TEAD1: variants seen among roughly 807,000 people sequenced by gnomAD.
TEAD1 encodes transcriptional enhancer factor TEF-1.
Under a neutral mutation model 54.9 loss-of-function variants are expected in TEAD1, and 9 were observed. The ratio of observed to expected loss-of-function variants is 0.16; its 90% CI spans 0.10 to 0.29. The LOEUF (loss-of-function observed/expected upper bound fraction) is 0.29. Among genes scored for constraint, TEAD1 ranks in the 10% least tolerant of loss-of-function variants. The pLI is 1.00. For missense variants in TEAD1, 387 were observed against 535.9 expected, an observed-to-expected ratio of 0.72 and a Z score of 2.74; for synonymous variants, 200 against 187.8, an observed-to-expected ratio of 1.07 and a Z score of -0.53.
At chr11:12,699,903 T>G (rs1479991476) in intron 2 of TEAD1, among the ~76,000 whole-genome samples, 1 of 152,196 alleles carries the variant, frequency 6.6e-6, no homozygotes, top group Non-Finnish European at 1.5e-5. Flanking sequence ...TCTCTGCCAT[T>G]GAATTGAGGA....
At chr11:12,817,939 G>A (rs1423174721) in intron 3 of TEAD1, among the ~76,000 whole-genome samples, 1 of 152,188 alleles carries the variant, frequency 6.6e-6, no homozygotes, top group Non-Finnish European at 1.5e-5. Context: ...CACACATTGT[G>A]GTTATTAGCT....
intron 2 of TEAD1, among the ~76,000 whole-genome samples, chr11:12,761,804 C>T (rs1161710069): frequency 4.6e-5 from 7 of 151,572 alleles, no homozygotes; most frequent in Non-Finnish European, 7.4e-5. Context: ...GATGGGTTTT[C>T]GCCTGATAAA....
rs529431978 is a variant in TEAD1 at position 12,941,768 on chromosome 11, G to C, written c.*4546G>C. 5.2e-5 allele frequency: 8 copies of C among 152,712 alleles called. No individual in the cohort carries two copies. Among genetic ancestry groups the C allele is most frequent in the Admixed American group, 2.6e-4 (4 of 15,296 alleles). 9.5% of individuals were successfully genotyped at this position (152,712 alleles called of 1,614,324 possible). The stretch of plus-strand genomic sequence containing the variant: ...GCATGTAGGGTATGCAGTGCAAAAG[G>C]CTGCCTCAGAACTGTGAGCCCTTTT... On this transcript the variant is annotated 3_prime_UTR_variant, in exon 13 of 13. Transcript: ENST00000527636.
chr11:12,812,458 G>T (rs907898292), intron 3 of TEAD1, among the ~76,000 whole-genome samples: 1 of 152,174 alleles, frequency 6.6e-6, no homozygotes, highest in African/African-American at 2.4e-5. Context: ...TCCTTATCCT[G>T]CAAGAGCTCA....
chr11:12,715,269 C>G (rs1243273160), intron 2 of TEAD1, among the ~76,000 whole-genome samples: 1 of 152,078 alleles, frequency 6.6e-6, no homozygotes, highest in Non-Finnish European at 1.5e-5. Flanking sequence ...GAGACAAAAC[C>G]CAGGGATGGA....
intron 2 of TEAD1, among the ~76,000 whole-genome samples, chr11:12,739,329 A>T (rs745886262): frequency 2.6e-5 from 4 of 152,220 alleles, no homozygotes; most frequent in Non-Finnish European, 5.9e-5. Context: ...TTTTAAGTGT[A>T]CAGTTTAGTG....
intron 10 of TEAD1, among the ~76,000 whole-genome samples, chr11:12,902,839 T>C (rs1287426948): frequency 6.6e-6 from 1 of 152,066 alleles, no homozygotes; most frequent in Non-Finnish European, 1.5e-5. Context: ...TGCCTTCTGT[T>C]TGTCTAGATG....
At chr11:12,927,846 A>G (rs116617110) in intron 11 of TEAD1, among the ~76,000 whole-genome samples, 3,648 of 152,186 alleles carry the variant, frequency 0.024, 149 homozygotes, top group African/African-American at 0.083. Context: ...TGTCTTCAAT[A>G]TGGCCATCTT....
intron 3 of TEAD1, among the ~76,000 whole-genome samples, chr11:12,801,839 TTGATTGG>T (rs1338494355): frequency 6.6e-6 from 1 of 152,242 alleles, no homozygotes; most frequent in African/African-American, 2.4e-5. Context: ...ACAGGCTGTA[TTGATTGG>T]TGATTCTTAA....
intron 3 of TEAD1, among the ~76,000 whole-genome samples, chr11:12,844,852 G>A (rs780431497): frequency 4.6e-5 from 7 of 152,060 alleles, no homozygotes; most frequent in Non-Finnish European, 8.8e-5. Flanking sequence ...GTGAGCAAAG[G>A]GGGTAAGGAC....
At chr11:12,908,301 C>T (rs1435634039) in intron 10 of TEAD1, among the ~76,000 whole-genome samples, 4 of 152,126 alleles carry the variant, frequency 2.6e-5, no homozygotes, top group African/African-American at 7.2e-5. Flanking sequence ...ACCTCTGAAG[C>T]TTAGAGCCAG....
At chr11:12,930,555 C>T (rs528756134) in intron 12 of TEAD1, among the ~76,000 whole-genome samples, 8 of 152,236 alleles carry the variant, frequency 5.3e-5, no homozygotes, top group East Asian at 1.9e-4. Flanking sequence ...TTCTAAGGTT[C>T]GCAGAACTGG....
intron 2 of TEAD1, among the ~76,000 whole-genome samples, chr11:12,713,027 A>G (rs764547350): frequency 1.6e-4 from 25 of 151,950 alleles, no homozygotes; most frequent in Middle Eastern, 6.8e-3. Context: ...TTGTTTGTTT[A>G]TTTATTTATT....
chr11:12,771,224 C>T (rs1372752852), intron 3 of TEAD1, among the ~76,000 whole-genome samples: 1 of 152,170 alleles, frequency 6.6e-6, no homozygotes, highest in African/African-American at 2.4e-5. Flanking sequence ...AGCATTGTGT[C>T]GTTGCGGGTC....
At chr11:12,908,049 A>G (rs1948550424) in intron 10 of TEAD1, among the ~76,000 whole-genome samples, 1 of 152,160 alleles carries the variant, frequency 6.6e-6, no homozygotes. Context: ...TCTGTATATT[A>G]TTATGTTCTG....
Position 12,901,989 on chromosome 11 carries a change from G to C in TEAD1, c.749G>C (p.Ser250Thr), listed in dbSNP as rs536251009. Residue 250 changes from serine (S) to threonine (T), a missense_variant, in exon 10 of 13, where the codon AGT becomes ACT. Ser to Thr is a moderately conservative substitution (Grantham distance 58). Transcript: ENST00000527636. ...ATTGGGCATGCCAACCATTCTTACAGTGACCCATTGCTTGAATCAGTGGAC... is the reference window on the plus strand; with the variant it reads ...ATTGGGCATGCCAACCATTCTTACACTGACCCATTGCTTGAATCAGTGGAC... 90 of 1,614,228 alleles carry C rather than the reference G, an allele frequency of 5.6e-5. 2 individuals carry two copies. The South Asian group carries it at 9.7e-4, about 17-fold the overall frequency.
chr11:12,719,038 G>A (rs959169591), intron 2 of TEAD1, among the ~76,000 whole-genome samples: 5 of 151,640 alleles, frequency 3.3e-5, no homozygotes, highest in African/African-American at 4.8e-5. Context: ...TGAACAACGC[G>A]TTTTCAAATG....
chr11:12,808,753 C>T (rs188410835), intron 3 of TEAD1, among the ~76,000 whole-genome samples: 1 of 152,302 alleles, frequency 6.6e-6, no homozygotes, highest in Non-Finnish European at 1.5e-5. Context: ...CTTTACTCAT[C>T]ACCATAAACA....
intron 9 of TEAD1, among the ~76,000 whole-genome samples, chr11:12,893,246 T>C (rs1432168125): frequency 6.6e-6 from 1 of 152,188 alleles, no homozygotes; most frequent in African/African-American, 2.4e-5. Flanking sequence ...GTTTTTCTCA[T>C]GTTTTTCCAA....
Sources: allele counts gnomAD v4.1 joint callset (sites outside exome capture counted in the v4.1 genomes callset), GRCh38; gene constraint gnomAD v4.1.1; transcripts MANE v1.5; gene names NCBI Gene and HGNC (gene_info 2026-07-23, HGNC 2026-07-21).